The following CFAP299 variants were observed in gnomAD, a reference collection of about 807,000 sequenced individuals.
CFAP299 encodes cilia and flagella associated protein 299.
A neutral mutation model predicts 27.0 loss-of-function variants in CFAP299; 21 were observed. That is an observed-to-expected ratio of 0.78 (90% CI 0.55 to 1.12). CFAP299 has a LOEUF of 1.12. Ranked by LOEUF, CFAP299 falls within the 50% of genes most tolerant of loss-of-function variation. CFAP299 has a pLI of 0.00. For synonymous variants in CFAP299, 104 were observed against 98.1 expected, an observed-to-expected ratio of 1.06 and a Z score of -0.36; for missense variants, 310 against 276.6, an observed-to-expected ratio of 1.12 and a Z score of -0.86.
chr4:80,390,295 C>A (rs997786451), intron 2 of CFAP299, among the ~76,000 whole-genome samples: 1 of 151,752 alleles, frequency 6.6e-6, no homozygotes, highest in Non-Finnish European at 1.5e-5. Context: ...CCCCCCAACC[C>A]CCTGGCAACC....
chr4:80,889,568 C>T (rs1734147467), intron 4 of CFAP299, among the ~76,000 whole-genome samples: 1 of 151,964 alleles, frequency 6.6e-6, no homozygotes, highest in Admixed American at 6.6e-5. Flanking sequence ...ACTACCAATC[C>T]TGTTCAAACT....
In CFAP299 at chr4:80,870,138, A is replaced by T; in HGVS notation, c.476+3A>T. On this transcript the variant is annotated splice_donor_region_variant and intron_variant, in intron 4 of 5. Transcript: ENST00000358105. ...CTTCCAAGGCCTACAGATATAAGGT[A>T]AATTACATACAATTTTTGCACCCTT... 1 of 1,594,984 alleles carries T rather than the reference A, an allele frequency of 6.3e-7. No homozygotes were observed. The highest frequency in any genetic ancestry group is 8.5e-7 in the Non-Finnish European group (1 of 1,171,452).
At chr4:80,662,203 C>T (rs936750135) in intron 3 of CFAP299, among the ~76,000 whole-genome samples, 1 of 152,072 alleles carries the variant, frequency 6.6e-6, no homozygotes, top group African/African-American at 2.4e-5. Context: ...TTCGTACACT[C>T]CTTCCCCTTT....
chr4:80,649,627 T>A (rs1740190867), intron 3 of CFAP299, among the ~76,000 whole-genome samples: 1 of 152,142 alleles, frequency 6.6e-6, no homozygotes, highest in Non-Finnish European at 1.5e-5. Context: ...AGAAATTGCA[T>A]CATTAGATTG....
At chr4:80,395,274 A>G (rs1025256817) in intron 2 of CFAP299, among the ~76,000 whole-genome samples, 1 of 152,108 alleles carries the variant, frequency 6.6e-6, no homozygotes, top group East Asian at 1.9e-4. Flanking sequence ...TATATGGAAA[A>G]TGTACTAAAT....
chr4:80,447,729 G>A (rs1410754384), intron 2 of CFAP299, among the ~76,000 whole-genome samples: 4 of 151,782 alleles, frequency 2.6e-5, no homozygotes, highest in Non-Finnish European at 2.9e-5. Flanking sequence ...CTAAGATTAC[G>A]GGTGTGAGCC....
intron 2 of CFAP299, among the ~76,000 whole-genome samples, chr4:80,441,537 C>T (rs1490159441): frequency 2.6e-5 from 4 of 152,204 alleles, no homozygotes; most frequent in Admixed American, 6.5e-5. Context: ...GCCTGCCTTA[C>T]AAGAGCTCCT....
intron 4 of CFAP299, among the ~76,000 whole-genome samples, chr4:80,894,744 T>C (rs1042420356): frequency 1.3e-5 from 2 of 151,958 alleles, no homozygotes; most frequent in African/African-American, 2.4e-5. Context: ...CCTATGTTCA[T>C]TGCAGAATTA....
At chr4:80,472,880 G>T (rs185156711) in intron 2 of CFAP299, among the ~76,000 whole-genome samples, 124 of 152,152 alleles carry the variant, frequency 8.1e-4, no homozygotes, top group Non-Finnish European at 5.1e-4. Context: ...ATTCCTTAGC[G>T]CAGAACTCTG....
At chr4:80,857,866 TC>T (rs1732024003) in intron 3 of CFAP299, among the ~76,000 whole-genome samples, 1 of 152,190 alleles carries the variant, frequency 6.6e-6, no homozygotes, top group South Asian at 2.1e-4. Flanking sequence ...TCTAAAATTC[TC>T]TTTTTTTTGT....
At chr4:80,359,782 A>G (rs7677853) in intron 1 of CFAP299, among the ~76,000 whole-genome samples, 115,273 of 152,108 alleles carry the variant, frequency 0.76, 44,124 homozygotes, top group South Asian at 0.82. Flanking sequence ...TGTAACTTCA[A>G]TTATCTTTGT....
intron 2 of CFAP299, among the ~76,000 whole-genome samples, chr4:80,436,428 A>G (rs1193382156): frequency 1.3e-5 from 2 of 151,640 alleles, no homozygotes; most frequent in Non-Finnish European, 2.9e-5. Flanking sequence ...CATCCCGAGT[A>G]GCTGGGACTA....
intron 3 of CFAP299, among the ~76,000 whole-genome samples, chr4:80,644,478 TAAC>T: frequency 6.6e-6 from 1 of 152,292 alleles, no homozygotes; most frequent in African/African-American, 2.4e-5. Context: ...AACCTAGACC[TAAC>T]AATTTCATTC....
At chr4:80,502,643 C>G (rs918800560) in intron 2 of CFAP299, among the ~76,000 whole-genome samples, 1 of 152,030 alleles carries the variant, frequency 6.6e-6, no homozygotes. Context: ...ACACCTCTTT[C>G]TTGGTTTTCT....
At chr4:80,716,467 G>A (rs1049602910) in intron 3 of CFAP299, among the ~76,000 whole-genome samples, 2 of 151,550 alleles carry the variant, frequency 1.3e-5, no homozygotes, top group Non-Finnish European at 2.9e-5. Flanking sequence ...GTTCACTGAT[G>A]ACACATGATA....
chr4:80,931,178 AGTGAG>A (rs1302075118), intron 4 of CFAP299, among the ~76,000 whole-genome samples: 5 of 150,852 alleles, frequency 3.3e-5, no homozygotes, highest in Non-Finnish European at 7.4e-5. Flanking sequence ...TGAGTGAGTG[AGTGAG>A]TGAGTGAATT....
At chr4:80,547,604 G>T (rs1173272973) in intron 2 of CFAP299, among the ~76,000 whole-genome samples, 6 of 152,064 alleles carry the variant, frequency 3.9e-5, no homozygotes, top group African/African-American at 1.4e-4. Context: ...CGGAATGAGA[G>T]AAAGTATTGG....
chr4:80,818,396 C>T (rs527675536), intron 3 of CFAP299, among the ~76,000 whole-genome samples: 20 of 152,174 alleles, frequency 1.3e-4, no homozygotes, highest in Non-Finnish European at 1.9e-4. Flanking sequence ...ACTGTCCTTT[C>T]GCCCTTTCTT....
At chr4:80,673,418 C>T in intron 3 of CFAP299, among the ~76,000 whole-genome samples, 1 of 152,026 alleles carries the variant, frequency 6.6e-6, no homozygotes, top group South Asian at 2.1e-4. Flanking sequence ...CTGAGGCATG[C>T]TTTACTTCCG....
Sources: allele counts gnomAD v4.1 joint callset (sites outside exome capture counted in the v4.1 genomes callset), GRCh38; gene constraint gnomAD v4.1.1; transcripts MANE v1.5; gene names NCBI Gene and HGNC (gene_info 2026-07-23, HGNC 2026-07-21).